Variants in ATP9B observed in about 807,000 individuals in gnomAD.
The protein encoded by ATP9B is probable phospholipid-transporting ATPase IIB.
A neutral mutation model predicts 146.1 loss-of-function variants in ATP9B; 110 were observed. The ratio of observed to expected loss-of-function variants is 0.75; its 90% CI spans 0.65 to 0.88. The LOEUF is 0.88. Ranked by LOEUF, ATP9B falls within the 40% of genes least tolerant of loss-of-function variation. ATP9B has a pLI of 0.00. For missense variants in ATP9B, 1,499 were observed against 1,496.4 expected (o/e 1.00, Z -0.03); for synonymous variants, 604 against 569.7 (o/e 1.06, Z -0.86).
chr18:79,316,592 T>A (rs930107801), intron 15 of ATP9B, among the ~76,000 whole-genome samples: 1 of 152,138 alleles, frequency 6.6e-6, no homozygotes, highest in Non-Finnish European at 1.5e-5. Context: ...ACCTCCCAAA[T>A]GTGGTCAGCA....
intron 26 of ATP9B, chr18:79,372,588 A>G (rs1287248833): frequency 1.5e-6 from 1 of 648,194 alleles, no homozygotes; most frequent in African/African-American, 1.8e-5. Context: ...CAAACAGAAG[A>G]CAACATGAAC....
At chr18:79,251,163 A>T (rs541372220) in intron 11 of ATP9B, among the ~76,000 whole-genome samples, 48 of 152,358 alleles carry the variant, frequency 3.2e-4, no homozygotes, top group African/African-American at 1.0e-3. Flanking sequence ...TTACACAGTG[A>T]AGTGGCCAAG....
At chr18:79,246,365 C>CTGTGCGGAGGGCACCGCCCTACTGACTG (rs756201855) in intron 11 of ATP9B, among the ~76,000 whole-genome samples, 1 of 146,806 alleles carries the variant, frequency 6.8e-6, no homozygotes, top group Non-Finnish European at 1.5e-5. Context: ...GCCCTACTGA[C>CTGTGCGGAGGGCACCGCCCTACTGACTG]TGAGGAGGGC....
intron 6 of ATP9B, among the ~76,000 whole-genome samples, chr18:79,149,992 A>T (rs938611171): frequency 2.6e-5 from 4 of 152,156 alleles, no homozygotes; most frequent in Non-Finnish European, 4.4e-5. Context: ...GAGGCAGGAG[A>T]ATCGCTAGAA....
At chr18:79,134,928 C>A (rs2094430714) in intron 5 of ATP9B, among the ~76,000 whole-genome samples, 1 of 152,148 alleles carries the variant, frequency 6.6e-6, no homozygotes, top group Non-Finnish European at 1.5e-5. Flanking sequence ...TGTTTTCATA[C>A]AGTGTTTCTG....
intron 13 of ATP9B, among the ~76,000 whole-genome samples, chr18:79,296,756 T>C (rs1599729589): frequency 1.3e-5 from 2 of 152,226 alleles, no homozygotes; most frequent in East Asian, 1.9e-4. Flanking sequence ...AGCAACTTTT[T>C]TGGCTGCTAT....
intron 8 of ATP9B, among the ~76,000 whole-genome samples, chr18:79,184,205 G>T (rs1241251078): frequency 6.6e-6 from 1 of 152,152 alleles, no homozygotes; most frequent in Non-Finnish European, 1.5e-5. Context: ...AAAAGTGAGA[G>T]CCAAGTAATT....
rs777169273 is a variant in ATP9B, at chr18:79,207,024, A to G, written c.1030+12A>G. On this transcript the variant is annotated intron_variant, in intron 10 of 29. Coordinates refer to ENST00000426216, the MANE Select transcript of ATP9B (RefSeq NM_198531.5). The stretch of plus-strand genomic sequence containing the variant: ...CATTGTTGCATCAGGTAAGGAAAAC[A>G]TTCTCCTCTGAGTGTGATTGCTCCC... 1.2e-6 allele frequency: 2 copies of G among 1,611,202 alleles called. No individual in the cohort carries two copies. Among genetic ancestry groups the G allele is most frequent in the Non-Finnish European group, 1.7e-6 (2 of 1,177,370 alleles).
chr18:79,285,256 A>G (rs984664695), intron 13 of ATP9B, among the ~76,000 whole-genome samples: 9 of 151,510 alleles, frequency 5.9e-5, no homozygotes, highest in African/African-American at 1.5e-4. Flanking sequence ...AAGTGTTCCT[A>G]TTTCTCCACA....
At chr18:79,314,353 A>T (rs934642958) in intron 15 of ATP9B, among the ~76,000 whole-genome samples, 2 of 152,202 alleles carry the variant, frequency 1.3e-5, no homozygotes, top group Non-Finnish European at 2.9e-5. Context: ...GGAAATAAGC[A>T]GTCTTTGATT....
At chr18:79,086,505 GT>G (rs1355574870) in intron 1 of ATP9B, 1 of 137,038 alleles carries the variant, frequency 7.3e-6, no homozygotes, top group East Asian at 2.4e-4. Context: ...GAATAGAAAT[GT>G]TTTACTTATT....
chr18:79,214,114 TAG>T, intron 11 of ATP9B, 76 bp downstream of exon 11: 3 of 1,000,530 alleles, frequency 3.0e-6, no homozygotes, highest in South Asian at 4.1e-5. Context: ...TAGTTCTGAA[TAG>T]CTCATTCTTT....
intron 26 of ATP9B, among the ~76,000 whole-genome samples, chr18:79,366,112 T>C (rs904381546): frequency 2.0e-5 from 3 of 152,238 alleles, no homozygotes; most frequent in African/African-American, 4.8e-5. Flanking sequence ...TTGATTCTTT[T>C]TACCGGACAC....
Position 79,085,560 on chromosome 18 carries a change from G to A in ATP9B, c.120-10916G>A, listed in dbSNP as rs537590321. The A allele has an allele frequency of 6.6e-5, 10 of 152,226 alleles. No individual in the cohort carries two copies. The East Asian group carries it at 1.2e-3, about 18-fold the overall frequency. The allele number at this position is 152,226 out of a possible 1,614,324, so 9.4% of individuals were successfully genotyped here. On this transcript the variant is annotated intron_variant, in intron 1 of 29. Coordinates refer to ENST00000426216, the MANE Select transcript of ATP9B (RefSeq NM_198531.5). ...CATGTGAGATACTGATTTTTCCTTC[G>A]CATTGTTGATATCTGGGTGAAAATA... is the stretch of plus-strand genomic sequence containing the variant.
intron 11 of ATP9B, among the ~76,000 whole-genome samples, chr18:79,250,654 G>A (rs1341551565): frequency 6.6e-6 from 1 of 152,196 alleles, no homozygotes; most frequent in Admixed American, 6.5e-5. Flanking sequence ...GAAATTGCAC[G>A]ATATTTGTCC....
chr18:79,190,241 A>T (rs566264486), intron 8 of ATP9B, among the ~76,000 whole-genome samples: 33 of 152,318 alleles, frequency 2.2e-4, no homozygotes, highest in African/African-American at 6.7e-4. Flanking sequence ...GTAGTAAGTG[A>T]TATAATAGAC....
intron 11 of ATP9B, among the ~76,000 whole-genome samples, chr18:79,236,807 G>A (rs1477913901): frequency 3.3e-5 from 4 of 121,974 alleles, no homozygotes; most frequent in Middle Eastern, 5.2e-3. Context: ...CTGTGTACAC[G>A]GTCCGTGCAC....
chr18:79,259,756 G>T (rs1040643802), intron 12 of ATP9B, among the ~76,000 whole-genome samples: 4 of 152,214 alleles, frequency 2.6e-5, no homozygotes, highest in Non-Finnish European at 1.5e-5. Context: ...ATTGCTCCTG[G>T]ATTTAGGAGA....
chr18:79,289,419 C>CTTCTGCA (rs2096478992), intron 13 of ATP9B, among the ~76,000 whole-genome samples: 1 of 152,222 alleles, frequency 6.6e-6, no homozygotes, highest in East Asian at 1.9e-4. Context: ...GCTCCTGAGG[C>CTTCTGCA]TTCTGCATTC....
Sources: allele counts gnomAD v4.1 joint callset (sites outside exome capture counted in the v4.1 genomes callset), GRCh38; gene constraint gnomAD v4.1.1; transcripts MANE v1.5; gene names NCBI Gene and HGNC (gene_info 2026-07-23, HGNC 2026-07-21).